Variants in CDK19 observed in about 807,000 individuals in gnomAD.
The protein encoded by CDK19 is cyclin dependent kinase 19, also known as cyclin-dependent kinase 19.
A neutral mutation model predicts 68.3 loss-of-function variants in CDK19; 20 were observed. That is an observed-to-expected ratio of 0.29 (90% confidence interval 0.21 to 0.43). The LOEUF is 0.43. Ranked by LOEUF, CDK19 falls within the 20% of genes least tolerant of loss-of-function variation. The probability of loss-of-function intolerance (pLI) is 1.00; values close to 1 mark genes in which losing one functional copy is unlikely to be tolerated. For synonymous variants in CDK19, 221 were observed against 222.8 expected, an observed-to-expected ratio of 0.99 and a Z score of 0.07; for missense variants, 339 against 623.5, an observed-to-expected ratio of 0.54 and a Z score of 4.86.
intron 1 of CDK19, among the ~76,000 whole-genome samples, chr6:110,793,387 G>C (rs888353861): frequency 4.6e-5 from 7 of 151,928 alleles, no homozygotes; most frequent in Non-Finnish European, 4.4e-5. Context: ...AAAAGATAAG[G>C]ACAACATCAG....
intron 7 of CDK19, 78 bp from the exon 8 acceptor site, chr6:110,626,923 T>C (rs1437038621): frequency 2.9e-6 from 4 of 1,397,462 alleles, no homozygotes; most frequent in South Asian, 1.3e-5. Context: ...TTTATAAATA[T>C]ACATTAAAAT....
intron 2 of CDK19, chr6:110,706,475 C>T (rs540189817): frequency 8.4e-6 from 1 of 119,514 alleles, no homozygotes; most frequent in Non-Finnish European, 1.6e-5. Context: ...AGTGCAGTGG[C>T]GTGATCTCAG....
intron 4 of CDK19, chr6:110,646,538 C>A (rs1780593466): frequency 1.6e-6 from 2 of 1,238,760 alleles, no homozygotes; most frequent in Non-Finnish European, 2.2e-6. Flanking sequence ...CCACCTGCAA[C>A]AGGTGCTTAA....
intron 1 of CDK19, among the ~76,000 whole-genome samples, chr6:110,812,501 T>C (rs1783183831): frequency 6.6e-6 from 1 of 152,202 alleles, no homozygotes; most frequent in Non-Finnish European, 1.5e-5. Context: ...TGTGATATAA[T>C]TAATATTGCC....
At chr6:110,678,868 G>C (rs1049405470) in intron 2 of CDK19, among the ~76,000 whole-genome samples, 19 of 152,166 alleles carry the variant, frequency 1.2e-4, no homozygotes, top group Admixed American at 4.6e-4. Context: ...GTCCGGTAGA[G>C]GTTCACTGAC....
chr6:110,753,662 A>G (rs1778636088), intron 1 of CDK19, among the ~76,000 whole-genome samples: 1 of 151,894 alleles, frequency 6.6e-6, no homozygotes, highest in Non-Finnish European at 1.5e-5. Flanking sequence ...CTGGGATTAG[A>G]GGGGTGAACC....
At chr6:110,696,070 C>G (rs1181040791) in intron 2 of CDK19, among the ~76,000 whole-genome samples, 1 of 152,122 alleles carries the variant, frequency 6.6e-6, no homozygotes, top group South Asian at 2.1e-4. Context: ...GACCAATATT[C>G]CTGATGAACA....
chr6:110,693,122 C>A (rs980936031), intron 2 of CDK19, among the ~76,000 whole-genome samples: 2 of 152,206 alleles, frequency 1.3e-5, no homozygotes, highest in African/African-American at 4.8e-5. Context: ...ATGTGGAACT[C>A]CCACTTGGAC....
chr6:110,652,394 G>C (rs1475085023), intron 4 of CDK19, among the ~76,000 whole-genome samples: 1 of 152,150 alleles, frequency 6.6e-6, no homozygotes, highest in African/African-American at 2.4e-5. Flanking sequence ...ATGGGGAAAA[G>C]GTAAAGGCAG....
chr6:110,771,254 A>G (rs1779998242), intron 1 of CDK19, among the ~76,000 whole-genome samples: 2 of 152,340 alleles, frequency 1.3e-5, no homozygotes, highest in Non-Finnish European at 1.5e-5. Flanking sequence ...CTTTTGCCTC[A>G]GCATCCAGCA....
chr6:110,754,983 A>T (rs1231486807), intron 1 of CDK19, among the ~76,000 whole-genome samples: 1 of 141,938 alleles, frequency 7.0e-6, no homozygotes, highest in Non-Finnish European at 1.5e-5. Flanking sequence ...TCCCTTGTGA[A>T]TTTTTTTTTT....
chr6:110,737,805 T>C (rs182546594), intron 2 of CDK19, among the ~76,000 whole-genome samples: 150 of 152,222 alleles, frequency 9.9e-4, no homozygotes, highest in African/African-American at 3.5e-3. Context: ...ATATTAACTA[T>C]CACCATATAT....
chr6:110,775,387 A>G (rs1780328524), intron 1 of CDK19, among the ~76,000 whole-genome samples: 1 of 152,236 alleles, frequency 6.6e-6, no homozygotes, highest in Non-Finnish European at 1.5e-5. Context: ...AAGCAATTAA[A>G]AACAGACCTA....
chr6:110,648,819 G>A (rs894721970), intron 4 of CDK19, among the ~76,000 whole-genome samples: 6 of 152,058 alleles, frequency 3.9e-5, no homozygotes, highest in African/African-American at 7.2e-5. Flanking sequence ...CCGGGTTCAC[G>A]CCATTCTCCT....
Position 110,622,179 on chromosome 6 carries a change from A to G in CDK19, c.1032-13T>C. On this transcript the variant is annotated splice_polypyrimidine_tract_variant and intron_variant, in intron 10 of 12. Transcript: ENST00000368911. ...GCCGGCAAATACACTAAAAATCATT[A>G]AAAAGAAAAAACATATCATGATCTA... 1 of 1,535,998 alleles carries G rather than the reference A, an allele frequency of 6.5e-7. No individual in the cohort carries two copies.
chr6:110,681,277 CAG>C (rs1771994491), intron 2 of CDK19, among the ~76,000 whole-genome samples: 1 of 151,972 alleles, frequency 6.6e-6, no homozygotes, highest in African/African-American at 2.4e-5. Flanking sequence ...ACCCGGGAGA[CAG>C]AGGTTGCAGT....
At position 110,621,338 on chromosome 6, in the gene CDK19, C is replaced by T; in HGVS notation, c.1143G>A (p.Gln381=). The part of the protein sequence containing the change: ...NQQQQQNQHQ[Q]PTAPPQQAAA... ...CTGCCTGCTGTGGAGGGGCTGTGGG[C>T]TGCTGATGCTGGTTCTGCTGCTGTT... Residue 381 remains glutamine (Q), a synonymous_variant, in exon 12 of 13, where the codon CAG becomes CAA. Coordinates refer to ENST00000368911, the MANE Select transcript of CDK19 (RefSeq NM_015076.5). The surrounding 1 kb of genome is among the most constrained non-coding windows in gnomAD (Gnocchi z 5.4). 6.4e-7 allele frequency: 1 copy of T among 1,572,192 alleles called. No individual in the cohort carries two copies. The highest frequency in any genetic ancestry group is 8.6e-7 in the Non-Finnish European group (1 of 1,159,996).
chr6:110,782,291 G>A (rs1780877372), intron 1 of CDK19, among the ~76,000 whole-genome samples: 1 of 152,122 alleles, frequency 6.6e-6, no homozygotes, highest in South Asian at 2.1e-4. Flanking sequence ...CCAGGTTCTG[G>A]GAAATCCAAT....
At chr6:110,759,795 G>A (rs1779109630) in intron 1 of CDK19, among the ~76,000 whole-genome samples, 1 of 151,770 alleles carries the variant, frequency 6.6e-6, no homozygotes, top group African/African-American at 2.4e-5. Flanking sequence ...CTGTATGAAA[G>A]GTCAGGTTAA....
Sources: allele counts gnomAD v4.1 joint callset (sites outside exome capture counted in the v4.1 genomes callset), GRCh38; gene constraint gnomAD v4.1.1; non-coding constraint Gnocchi (gnomAD v3.1); transcripts MANE v1.5; gene names NCBI Gene and HGNC (gene_info 2026-07-23, HGNC 2026-07-21).